Variants in TRPC6 observed in about 807,000 individuals in gnomAD.
TRPC6 encodes the protein short transient receptor potential channel 6.
A neutral mutation model predicts 90.7 loss-of-function variants in TRPC6; 55 were observed. That is an observed-to-expected ratio of 0.61 (90% CI 0.49 to 0.76). The LOEUF (loss-of-function observed/expected upper bound fraction) is 0.76. TRPC6 is among the 30% of genes least tolerant of loss of function. TRPC6 has a pLI of 0.00. For synonymous variants in TRPC6, 393 were observed against 393.0 expected (o/e 1.00, Z 0.00); for missense variants, 989 against 1,122.7 (o/e 0.88, Z 1.70).
At chr11:101,472,565 C>T (rs1859317071) in intron 7 of TRPC6, among the ~76,000 whole-genome samples, 1 of 152,096 alleles carries the variant, frequency 6.6e-6, no homozygotes, top group Admixed American at 6.6e-5. Flanking sequence ...TATCTAAATA[C>T]ATAAGCACTC....
chr11:101,572,558 CAT>C (rs1465438760), intron 1 of TRPC6, among the ~76,000 whole-genome samples: 1 of 152,164 alleles, frequency 6.6e-6, no homozygotes, highest in Non-Finnish European at 1.5e-5. Flanking sequence ...CACATGCACA[CAT>C]ATGTTTATTG....
intron 3 of TRPC6, among the ~76,000 whole-genome samples, chr11:101,490,309 T>C (rs890101775): frequency 3.9e-5 from 6 of 152,308 alleles, no homozygotes; most frequent in Non-Finnish European, 7.4e-5. Context: ...AAGAAATTTG[T>C]GTATAGAAAT....
chr11:101,540,585 A>C (rs781339441), intron 1 of TRPC6, among the ~76,000 whole-genome samples: 10 of 152,214 alleles, frequency 6.6e-5, no homozygotes, highest in Non-Finnish European at 1.5e-4. Flanking sequence ...CTCAATGTAT[A>C]ATTCAGAGGT....
At chr11:101,555,088 C>G (rs1031528487) in intron 1 of TRPC6, among the ~76,000 whole-genome samples, 2 of 152,162 alleles carry the variant, frequency 1.3e-5, no homozygotes, top group African/African-American at 4.8e-5. Context: ...CTGTGGTAGG[C>G]TAAGAGACAC....
At chr11:101,558,325 GTATATGGGTATACATGTATATATGTAT>G in intron 1 of TRPC6, among the ~76,000 whole-genome samples, 1 of 141,320 alleles carries the variant, frequency 7.1e-6, no homozygotes, top group Non-Finnish European at 1.6e-5. Context: ...ATGTATACAT[GTATATGGGTATACATGTATATATGTAT>G]ACATGTATAT....
chr11:101,486,044 A>G (rs1340981167), intron 4 of TRPC6, among the ~76,000 whole-genome samples: 1 of 151,884 alleles, frequency 6.6e-6, no homozygotes, highest in Non-Finnish European at 1.5e-5. Flanking sequence ...CTGCTTATTA[A>G]AAGTCTTAGG....
intron 1 of TRPC6, among the ~76,000 whole-genome samples, chr11:101,571,893 A>G (rs1166490709): frequency 2.6e-5 from 4 of 152,096 alleles, no homozygotes; most frequent in South Asian, 2.1e-4. Flanking sequence ...AGACTTAAAC[A>G]TAAGACCTAA....
chr11:101,583,505 G>A lies in TRPC6; in HGVS notation c.-2C>T. ...CCCGAACGCCGGGCTCTGGCTCATG[G>A]CGGGAACGCCCGACTGGCCTGGGCC... On this transcript the variant is annotated 5_prime_UTR_variant, in exon 1 of 13. Coordinates refer to ENST00000344327, the MANE Select transcript of TRPC6 (RefSeq NM_004621.6). 6.8e-7 allele frequency: 1 copy of A among 1,477,920 alleles called. No individual in the cohort carries two copies. The highest frequency in any genetic ancestry group is 9.0e-7 in the Non-Finnish European group (1 of 1,115,220). The allele number at this position is 1,477,920 out of a possible 1,614,324, so 91.6% of individuals were successfully genotyped here. A position where few individuals can be genotyped will look rare whatever the true frequency, so the allele number is the denominator to read the frequency against.
chr11:101,542,004 T>C (rs1371237204), intron 1 of TRPC6, among the ~76,000 whole-genome samples: 1 of 152,188 alleles, frequency 6.6e-6, no homozygotes, highest in African/African-American at 2.4e-5. Context: ...AAATCAGCAA[T>C]TGTTAGGTCT....
chr11:101,504,649 T>G lies in TRPC6; in HGVS notation c.320A>C (p.Glu107Ala), dbSNP rs1426278532. The G allele has an allele frequency of 1.2e-6, 2 of 1,608,204 alleles. No individual in the cohort carries two copies. Among genetic ancestry groups the G allele is most frequent in the African/African-American group, 2.7e-5 (2 of 74,674 alleles). ...CCGCACCACTGGGATGTTACCATATTCAGCTGCATCCAAAAAGCGTTCCTC... is the reference window on the plus strand; with the variant it reads ...CCGCACCACTGGGATGTTACCATATGCAGCTGCATCCAAAAAGCGTTCCTC... ...IEEERFLDAA[E>A]YGNIPVVRKM... The change falls in exon 2 of 13, where the codon GAA becomes GCA. Residue 107 changes from glutamate to alanine, a missense_variant. This residue lies in a region of TRPC6 where 486 missense variants were observed against 591.9 expected (regional missense o/e 0.82). Coordinates refer to ENST00000344327, the MANE Select transcript of TRPC6 (RefSeq NM_004621.6).
At chr11:101,539,232 T>C (rs1393637935) in intron 1 of TRPC6, among the ~76,000 whole-genome samples, 1 of 152,178 alleles carries the variant, frequency 6.6e-6, no homozygotes, top group Non-Finnish European at 1.5e-5. Flanking sequence ...AAAGTCTCGG[T>C]TTTCAGATTC....
chr11:101,507,153 T>C (rs889625693), intron 1 of TRPC6, among the ~76,000 whole-genome samples: 1 of 152,010 alleles, frequency 6.6e-6, no homozygotes, highest in Non-Finnish European at 1.5e-5. Context: ...GTGCTAATCA[T>C]AGCTAAGTGG....
chr11:101,469,799 CAT>C (rs1491477077), intron 9 of TRPC6, among the ~76,000 whole-genome samples: 1 of 152,130 alleles, frequency 6.6e-6, no homozygotes, highest in Non-Finnish European at 1.5e-5. Flanking sequence ...GGAAGAATAT[CAT>C]AGATTGTATT....
In TRPC6 at chr11:101,472,439, A is replaced by T. The variant is rs145869097; in HGVS notation, c.2010-107T>A. 1,017 of 1,087,338 alleles carry T rather than the reference A, an allele frequency of 9.4e-4. 5 individuals are homozygous for T. In the African/African-American group the frequency reaches 0.015, roughly 16 times the overall value. The allele number at this position is 1,087,338 out of a possible 1,614,324, so 67.4% of individuals were successfully genotyped here. Reference sequence around the variant, plus strand: ...TTAGTGTCTGCAAATTAGTGAGTATAAAAAAAATTCTTCACTTCTCTGAAG... The same window carrying T: ...TTAGTGTCTGCAAATTAGTGAGTATTAAAAAAATTCTTCACTTCTCTGAAG... On this transcript the variant is annotated intron_variant, in intron 7 of 12. Transcript: ENST00000344327.
At chr11:101,565,617 C>A (rs1250015489) in intron 1 of TRPC6, among the ~76,000 whole-genome samples, 1 of 152,018 alleles carries the variant, frequency 6.6e-6, no homozygotes, top group Non-Finnish European at 1.5e-5. Context: ...ACATTACTCT[C>A]CTGACATCTT....
chr11:101,567,217 C>T (rs766850126), intron 1 of TRPC6, among the ~76,000 whole-genome samples: 1 of 152,066 alleles, frequency 6.6e-6, no homozygotes, highest in African/African-American at 2.4e-5. Flanking sequence ...CTTGAGGGGG[C>T]GGTTTTATCC....
At chr11:101,526,900 T>TAAAAAAAA (rs1860794749) in intron 1 of TRPC6, among the ~76,000 whole-genome samples, 26 of 86,122 alleles carry the variant, frequency 3.0e-4, no homozygotes, top group African/African-American at 5.7e-4. Context: ...AAAAAAAAAT[T>TAAAAAAAA]AAATAGTCTT....
Position 101,466,094 on chromosome 11 carries a change from C to T in TRPC6, c.2484+3333G>A, listed in dbSNP as rs1464269238. 4.6e-5 allele frequency among the ~76,000 whole-genome samples: 7 copies of T among 152,168 alleles called. No homozygotes were observed. The East Asian group carries it at 1.2e-3, about 25-fold the overall frequency. On this transcript the variant is annotated intron_variant, in intron 10 of 12. Transcript: ENST00000344327. Reference sequence around the variant, plus strand: ...CAGACCCTGTTTGCCTGGGTATCACCAGCAGAGGCTGCAGAACAGCAAAGA... The same window carrying T: ...CAGACCCTGTTTGCCTGGGTATCACTAGCAGAGGCTGCAGAACAGCAAAGA...
intron 1 of TRPC6, among the ~76,000 whole-genome samples, chr11:101,516,072 C>T (rs182354183): frequency 6.2e-4 from 83 of 134,712 alleles, no homozygotes; most frequent in Non-Finnish European, 2.2e-4. Flanking sequence ...TGTTTGGGGG[C>T]TTTTGTTTTC....
Sources: gnomAD v4.1 joint callset for allele counts (sites outside exome capture counted in the v4.1 genomes callset) on GRCh38, gnomAD v4.1.1 for gene constraint, gnomAD v4.1.1 regional missense constraint, MANE v1.5 for transcripts, NCBI Gene and HGNC (gene_info 2026-07-23, HGNC 2026-07-21) for gene names.